Variants in FUT9 observed in about 807,000 individuals in gnomAD.
The protein encoded by FUT9 is fucosyltransferase 9.
FUT9 carries 15 observed loss-of-function variants against 29.7 expected under a neutral mutation model. That is an observed-to-expected ratio of 0.51 (90% CI 0.34 to 0.78). The LOEUF (loss-of-function observed/expected upper bound fraction) is 0.78, where lower values mean the gene tolerates loss of function less well. FUT9 is among the 30% of genes least tolerant of loss of function. FUT9 has a pLI of 0.01. For missense variants in FUT9, 319 were observed against 425.4 expected (o/e 0.75, Z 2.20); for synonymous variants, 169 against 153.7 (o/e 1.10, Z -0.74).
rs2127994658 is a variant in FUT9 at position 96,214,790 on chromosome 6, T to C, written c.*10555T>C. ...CTGTTGGAAGGTAATTTCATTGCTA[T>C]GTTATTAAAATGATGGGAATCCTAT... On this transcript the variant is annotated 3_prime_UTR_variant, in exon 3 of 3. Coordinates refer to ENST00000302103, the MANE Select transcript of FUT9 (RefSeq NM_006581.4). The C allele has an allele frequency of 6.0e-6, 1 of 167,122 alleles. No individual in the cohort carries two copies. The highest frequency in any genetic ancestry group is 2.1e-4 in the South Asian group (1 of 4,828). The allele number at this position is 167,122 out of a possible 1,614,324, so 10.4% of individuals were successfully genotyped here.
chr6:96,077,810 T>C (rs929662414), intron 1 of FUT9, among the ~76,000 whole-genome samples: 2 of 152,230 alleles, frequency 1.3e-5, no homozygotes, highest in Non-Finnish European at 2.9e-5. Flanking sequence ...ACTCAACTAA[T>C]AATGTAGTCA....
At chr6:96,089,089 T>C (rs951918512) in intron 1 of FUT9, among the ~76,000 whole-genome samples, 2 of 152,208 alleles carry the variant, frequency 1.3e-5, no homozygotes, top group African/African-American at 4.8e-5. Flanking sequence ...TTTACTCTCT[T>C]TGATCGGAAT....
intron 2 of FUT9, among the ~76,000 whole-genome samples, chr6:96,197,008 CT>C (rs1326878490): frequency 6.6e-6 from 1 of 152,088 alleles, no homozygotes; most frequent in Non-Finnish European, 1.5e-5. Flanking sequence ...CTAGTTTCTA[CT>C]GCTTGCTTTA....
chr6:96,058,238 T>A (rs1770809829), intron 1 of FUT9, among the ~76,000 whole-genome samples: 1 of 152,092 alleles, frequency 6.6e-6, no homozygotes, highest in Admixed American at 6.6e-5. Context: ...TATGAATAGT[T>A]GCTTTAGACA....
At position 96,079,723 on chromosome 6, in the gene FUT9, A is replaced by G. The variant is rs114003096; in HGVS notation, c.-97-34316A>G. On this transcript the variant is annotated intron_variant, in intron 1 of 2. Transcript: ENST00000302103. ...AAAAAACATCACCTCCATCAGAAAA[A>G]GCAACATAATCGGAACTGAAAACTT... Among the ~76,000 whole-genome samples, 486 of 152,232 alleles carry G rather than the reference A, an allele frequency of 3.2e-3. 3 individuals carry two copies. The highest frequency in any genetic ancestry group is 0.014 in the Middle Eastern group (4 of 292).
rs1276864757 is a variant in FUT9 at position 96,206,768 on chromosome 6, T to C, written c.*2533T>C. Reference sequence around the variant, plus strand: ...TGAGCCACTGTGTCTGGCCCACCTGTTTTTTTTGAAGGCAGAAAAACATTC... The same window carrying C: ...TGAGCCACTGTGTCTGGCCCACCTGCTTTTTTTGAAGGCAGAAAAACATTC... On this transcript the variant is annotated 3_prime_UTR_variant, in exon 3 of 3. Transcript: ENST00000302103. The C allele has an allele frequency of 1.2e-5, 2 of 166,392 alleles. No individual in the cohort carries two copies. Among genetic ancestry groups the C allele is most frequent in the African/African-American group, 4.8e-5 (2 of 41,350 alleles). The allele number at this position is 166,392 out of a possible 1,614,324, so 10.3% of individuals were successfully genotyped here.
At chr6:96,038,280 A>G (rs149234594) in intron 1 of FUT9, among the ~76,000 whole-genome samples, 61 of 152,266 alleles carry the variant, frequency 4.0e-4, no homozygotes, top group Admixed American at 2.6e-4. Flanking sequence ...CTTCTGTCGT[A>G]TCTGGGTCAG....
intron 2 of FUT9, among the ~76,000 whole-genome samples, chr6:96,164,732 C>T (rs1046111259): frequency 3.9e-5 from 6 of 152,138 alleles, no homozygotes; most frequent in Non-Finnish European, 7.4e-5. Context: ...ATGGCCTGAA[C>T]TCGTGTTTCT....
intron 2 of FUT9, among the ~76,000 whole-genome samples, chr6:96,133,625 G>C (rs1269553006): frequency 1.3e-5 from 2 of 151,878 alleles, no homozygotes; most frequent in Non-Finnish European, 2.9e-5. Flanking sequence ...AAATTAAGGT[G>C]TGTAATTCAT....
chr6:96,077,296 T>C lies in FUT9; in HGVS notation c.-97-36743T>C, dbSNP rs1771155160. 2.0e-5 allele frequency among the ~76,000 whole-genome samples: 3 copies of C among 152,242 alleles called. No individual in the cohort carries two copies. The South Asian group carries it at 6.2e-4, about 32-fold the overall frequency. On this transcript the variant is annotated intron_variant, in intron 1 of 2. Coordinates refer to ENST00000302103, the MANE Select transcript of FUT9 (RefSeq NM_006581.4). The stretch of plus-strand genomic sequence containing the variant: ...TAAGAATATTAGAAACTTTAGTCAG[T>C]TTATATATTATTAGGATTGTGTAGG...
rs558594693 is a variant in FUT9, at chr6:96,208,519, T to G, written c.*4284T>G. On this transcript the variant is annotated 3_prime_UTR_variant, in exon 3 of 3. Coordinates refer to ENST00000302103, the MANE Select transcript of FUT9 (RefSeq NM_006581.4). The stretch of plus-strand genomic sequence containing the variant: ...TGAATAAATACATGAATGTGATAAG[T>G]GGTCCTGTAAAATATTTTTTAAGAG... 4 of 166,948 alleles carry G rather than the reference T, an allele frequency of 2.4e-5. No individual in the cohort carries two copies. The highest frequency in any genetic ancestry group is 9.6e-5 in the African/African-American group (4 of 41,562). The allele number at this position is 166,948 out of a possible 1,614,324, so 10.3% of individuals were successfully genotyped here. A position where few individuals can be genotyped will look rare whatever the true frequency, so the allele number is the denominator to read the frequency against.
chr6:96,134,637 A>G (rs755172914), intron 2 of FUT9, among the ~76,000 whole-genome samples: 10 of 151,848 alleles, frequency 6.6e-5, no homozygotes, highest in African/African-American at 1.9e-4. Context: ...GGACTATTAC[A>G]ATAATTATTA....
chr6:96,140,348 A>G (rs1314034444), intron 2 of FUT9, among the ~76,000 whole-genome samples: 1 of 152,148 alleles, frequency 6.6e-6, no homozygotes, highest in Non-Finnish European at 1.5e-5. Context: ...AGTCTATAGG[A>G]CGTTACAAAC....
At chr6:96,178,150 T>C (rs1773239747) in intron 2 of FUT9, among the ~76,000 whole-genome samples, 1 of 152,148 alleles carries the variant, frequency 6.6e-6, no homozygotes. Flanking sequence ...AGGAAAAAGA[T>C]AGGAAAGGAT....
chr6:96,033,237 G>A (rs760052655), intron 1 of FUT9, among the ~76,000 whole-genome samples: 6 of 151,638 alleles, frequency 4.0e-5, no homozygotes, highest in Non-Finnish European at 8.9e-5. Flanking sequence ...TTTGTTCTAA[G>A]ATTTTGAATA....
At chr6:96,188,416 C>T (rs906571705) in intron 2 of FUT9, among the ~76,000 whole-genome samples, 1 of 152,022 alleles carries the variant, frequency 6.6e-6, no homozygotes, top group Admixed American at 6.6e-5. Flanking sequence ...CCTGCCTTGG[C>T]CTTCCAAAGT....
At chr6:96,030,351 G>T (rs1382418216) in intron 1 of FUT9, among the ~76,000 whole-genome samples, 1 of 151,514 alleles carries the variant, frequency 6.6e-6, no homozygotes, top group Admixed American at 6.6e-5. Context: ...AAAAAAAGTA[G>T]TGAAAAGATG....
At chr6:96,162,080 T>C (rs998086895) in intron 2 of FUT9, among the ~76,000 whole-genome samples, 5 of 152,226 alleles carry the variant, frequency 3.3e-5, no homozygotes, top group Admixed American at 1.3e-4. Context: ...AAATTTTTCA[T>C]CTGTTCTTGC....
At chr6:96,142,808 C>T (rs1283062803) in intron 2 of FUT9, among the ~76,000 whole-genome samples, 1 of 151,946 alleles carries the variant, frequency 6.6e-6, no homozygotes, top group Non-Finnish European at 1.5e-5. Flanking sequence ...TTGGACACTG[C>T]ATTTTATGCT....
Sources: gnomAD v4.1 joint callset for allele counts (sites outside exome capture counted in the v4.1 genomes callset) on GRCh38, gnomAD v4.1.1 for gene constraint, MANE v1.5 for transcripts, NCBI Gene and HGNC (gene_info 2026-07-23, HGNC 2026-07-21) for gene names.